The following UBR3 variants were observed in gnomAD, a reference collection of about 807,000 sequenced individuals.
The protein encoded by UBR3 is ubiquitin protein ligase E3 component n-recognin 3.
UBR3 carries 85 observed loss-of-function variants against 243.2 expected under a neutral mutation model. The observed-to-expected ratio is 0.35, with a 90% CI of 0.29 to 0.42. The LOEUF (loss-of-function observed/expected upper bound fraction) is 0.42. Among genes scored for constraint, UBR3 ranks in the 10% least tolerant of loss-of-function variants. The probability of loss-of-function intolerance (pLI) is 1.00; values close to 1 mark genes in which losing one functional copy is unlikely to be tolerated. For synonymous variants in UBR3, 748 were observed against 799.8 expected (o/e 0.94, Z 1.09); for missense variants, 1,686 against 2,300.8 (o/e 0.73, Z 5.47).
At chr2:169,953,418 T>C (rs1476306787) in intron 23 of UBR3, among the ~76,000 whole-genome samples, 1 of 152,182 alleles carries the variant, frequency 6.6e-6, no homozygotes, top group African/African-American at 2.4e-5. Flanking sequence ...ACTTTCATAA[T>C]AGATTAACTT....
At chr2:169,877,736 A>G in intron 4 of UBR3, 99 bp downstream of exon 4, 2 of 1,185,780 alleles carry the variant, frequency 1.7e-6, no homozygotes, top group Non-Finnish European at 2.3e-6. Context: ...ATTATTTTGA[A>G]CTAAAACAGT....
intron 23 of UBR3, among the ~76,000 whole-genome samples, chr2:169,952,976 C>T (rs1231350491): frequency 6.6e-6 from 1 of 151,946 alleles, no homozygotes; most frequent in Non-Finnish European, 1.5e-5. Flanking sequence ...GTGGTCAGAT[C>T]CTTCTTTCTG....
At chr2:169,836,671 A>T (rs1016719690) in intron 1 of UBR3, among the ~76,000 whole-genome samples, 1 of 151,738 alleles carries the variant, frequency 6.6e-6, no homozygotes, top group Non-Finnish European at 1.5e-5. Context: ...TTGGTGTTAT[A>T]TATATAAATT....
chr2:169,907,841 A>G (rs1433537961), intron 10 of UBR3, among the ~76,000 whole-genome samples: 2 of 151,826 alleles, frequency 1.3e-5, no homozygotes, highest in African/African-American at 4.8e-5. Flanking sequence ...GTGCGAACTC[A>G]GCTCACTGCA....
chr2:169,945,271 A>T (rs1335794573), intron 20 of UBR3, among the ~76,000 whole-genome samples: 4 of 152,062 alleles, frequency 2.6e-5, no homozygotes, highest in African/African-American at 9.7e-5. Flanking sequence ...ATAGACAGAA[A>T]TTTGTTTAAA....
At chr2:170,063,354 T>C (rs1559229086) in intron 35 of UBR3, among the ~76,000 whole-genome samples, 1 of 152,144 alleles carries the variant, frequency 6.6e-6, no homozygotes. Context: ...GATTGAGGGA[T>C]AGTTGGACCC....
intron 1 of UBR3, among the ~76,000 whole-genome samples, chr2:169,853,776 G>GT (rs11350876): frequency 2.2e-4 from 33 of 149,678 alleles, no homozygotes; most frequent in Admixed American, 6.6e-4. Flanking sequence ...AAGGGACTTC[G>GT]TTTTTTTTTT....
chr2:169,935,708 T>C (rs2086300469), intron 19 of UBR3, among the ~76,000 whole-genome samples: 1 of 152,238 alleles, frequency 6.6e-6, no homozygotes, highest in African/African-American at 2.4e-5. Context: ...AACTAGTCAA[T>C]AATTACGTGT....
intron 1 of UBR3, among the ~76,000 whole-genome samples, chr2:169,854,176 T>C: frequency 6.6e-6 from 1 of 152,178 alleles, no homozygotes; most frequent in Middle Eastern, 3.2e-3. Context: ...TCCCAGAATT[T>C]AAAGTATTTA....
At position 170,015,339 on chromosome 2, in the gene UBR3, A is replaced by G. The variant is rs748666927; in HGVS notation, c.4426A>G (p.Ser1476Gly). Residue 1476 changes from serine to glycine, a missense_variant, in exon 30 of 39, where the codon AGC (serine) becomes GGC (glycine). This residue lies in a region of UBR3 where 371 missense variants were observed against 422.5 expected (regional missense o/e 0.88). Transcript: ENST00000272793. ...AGGCAATTTGTGTTCAGGTGGTGCA[A>G]GCACAGCTGGCAAAAGGTCTTGTTT... ...RGGNLCSGGA[S>G]TAGKRSCLNQ... 9.9e-6 allele frequency: 16 copies of G among 1,611,956 alleles called. No homozygotes were observed. The Admixed American group carries it at 2.2e-4, about 22-fold the overall frequency.
chr2:170,003,134 A>C (rs1368307357), intron 27 of UBR3, among the ~76,000 whole-genome samples: 2 of 152,144 alleles, frequency 1.3e-5, no homozygotes, highest in African/African-American at 4.8e-5. Flanking sequence ...TTCTACCTTC[A>C]TTAATCCCAC....
intron 1 of UBR3, among the ~76,000 whole-genome samples, chr2:169,840,791 T>G (rs1355288650): frequency 6.6e-6 from 1 of 152,194 alleles, no homozygotes; most frequent in East Asian, 1.9e-4. Flanking sequence ...TAGCAACATG[T>G]GGACACTGGG....
rs1452494496 is a variant in UBR3 at position 169,857,077 on chromosome 2, T to TTTTG, written c.546-15156_546-15155insGTTT. On this transcript the variant is annotated intron_variant, in intron 1 of 38. Transcript: ENST00000272793. ...TAATTTTATTATGTTTTTTTTTTTT[T>TTTTG]TTTTTTTTTTTTTTGAGACGGAGTC... is the stretch of plus-strand genomic sequence containing the variant. Among the ~76,000 whole-genome samples the TTTTG allele has an allele frequency of 4.8e-3, 609 of 126,092 alleles. 22 individuals are homozygous for TTTTG. Among genetic ancestry groups the TTTTG allele is most frequent in the Middle Eastern group, 7.8e-3 (2 of 258 alleles). The allele number at this position is 126,092 out of a possible 152,430, so 82.7% of individuals were successfully genotyped here. A position where few individuals can be genotyped will look rare whatever the true frequency, so the allele number is the denominator to read the frequency against.
At chr2:169,845,531 G>A (rs147344928) in intron 1 of UBR3, among the ~76,000 whole-genome samples, 10 of 105,202 alleles carry the variant, frequency 9.5e-5, no homozygotes, top group African/African-American at 3.9e-4. Context: ...CGTCGTCGTC[G>A]TCTTCTTCTT....
intron 32 of UBR3, among the ~76,000 whole-genome samples, chr2:170,045,250 T>C (rs766176076): frequency 3.9e-5 from 6 of 152,138 alleles, no homozygotes; most frequent in Admixed American, 3.3e-4. Context: ...ATGAGACTTA[T>C]TCACTACCAT....
chr2:169,910,294 G>A (rs2085201381), intron 10 of UBR3, among the ~76,000 whole-genome samples: 1 of 152,096 alleles, frequency 6.6e-6, no homozygotes, highest in Admixed American at 6.5e-5. Context: ...AGGGAGAAGA[G>A]AAAAATCAGA....
chr2:169,874,325 C>T (rs1052784683), intron 2 of UBR3, among the ~76,000 whole-genome samples: 6 of 152,028 alleles, frequency 3.9e-5, no homozygotes, highest in East Asian at 1.9e-4. Flanking sequence ...CCCACCACCA[C>T]GCCCGGCTAA....
At chr2:169,959,025 GA>G (rs1489742531) in intron 24 of UBR3, among the ~76,000 whole-genome samples, 1 of 152,114 alleles carries the variant, frequency 6.6e-6, no homozygotes, top group Non-Finnish European at 1.5e-5. Context: ...ACACATTGGA[GA>G]AATAGATTAA....
chr2:169,991,628 G>A (rs776966169), intron 25 of UBR3, among the ~76,000 whole-genome samples: 1 of 151,994 alleles, frequency 6.6e-6, no homozygotes, highest in African/African-American at 2.4e-5. Context: ...TGTCATGCAG[G>A]CTGGAGTGCA....
Sources: gnomAD v4.1 joint callset for allele counts (sites outside exome capture counted in the v4.1 genomes callset) on GRCh38, gnomAD v4.1.1 for gene constraint, gnomAD v4.1.1 regional missense constraint, MANE v1.5 for transcripts, NCBI Gene and HGNC (gene_info 2026-07-23, HGNC 2026-07-21) for gene names.